HERC6: variants seen among roughly 807,000 people sequenced by gnomAD.
HERC6 encodes probable E3 ubiquitin-protein ligase HERC6.
HERC6 carries 101 observed loss-of-function variants against 114.5 expected under a neutral mutation model. The ratio of observed to expected loss-of-function variants is 0.88; its 90% CI spans 0.75 to 1.04. HERC6 has a LOEUF of 1.04. Among genes scored for constraint, HERC6 ranks in the 50% least tolerant of loss-of-function variants. The pLI, the probability that HERC6 is intolerant of heterozygous loss-of-function variation, is 0.00. For missense variants in HERC6, 1,133 were observed against 1,230.9 expected (o/e 0.92, Z 1.19); for synonymous variants, 408 against 436.2 (o/e 0.94, Z 0.81).
Position 88,442,725 on chromosome 4 carries a change from G to A in HERC6, c.*265G>A, listed in dbSNP as rs1739458733. On this transcript the variant is annotated 3_prime_UTR_variant, in exon 23 of 23. Coordinates refer to ENST00000264346, the MANE Select transcript of HERC6 (RefSeq NM_017912.4). ...AGAGTCTGAACACTGGCCTGTGATTGGTCCATTCCAGGACCTTCATTTGCA... is the reference window on the plus strand; with the variant it reads ...AGAGTCTGAACACTGGCCTGTGATTAGTCCATTCCAGGACCTTCATTTGCA... The A allele has an allele frequency of 2.0e-6, 1 of 493,812 alleles. No individual in the cohort carries two copies. The highest frequency in any genetic ancestry group is 2.4e-5 in the South Asian group (1 of 42,200). The allele number at this position is 493,812 out of a possible 1,614,324, so 30.6% of individuals were successfully genotyped here. A position where few individuals can be genotyped will look rare whatever the true frequency, so the allele number is the denominator to read the frequency against.
In HERC6 at chr4:88,428,698, C is replaced by T; in HGVS notation, c.2054C>T (p.Ala685Val). Residue 685 changes from alanine (A) to valine (V), a missense_variant, in exon 16 of 23, where the codon GCT becomes GTT. Ala to Val is a moderately conservative substitution (Grantham distance 64). Coordinates refer to ENST00000264346, the MANE Select transcript of HERC6 (RefSeq NM_017912.4). The part of the protein sequence containing the change: ...RVRRSRLVKD[A>V]LRQLSQAEAT... ...AGACGAAGTCGCCTGGTTAAAGATG[C>T]TCTGCGTCAATTAAGTCAAGCTGAA... 1 of 1,596,158 alleles carries T rather than the reference C, an allele frequency of 6.3e-7. No homozygotes were observed. Among genetic ancestry groups the T allele is most frequent in the South Asian group, 1.2e-5 (1 of 86,816 alleles).
At chr4:88,404,629 T>C (rs993205143) in intron 8 of HERC6, among the ~76,000 whole-genome samples, 2 of 152,222 alleles carry the variant, frequency 1.3e-5, no homozygotes, top group Non-Finnish European at 2.9e-5. Context: ...TACAAGTATC[T>C]GTTTGAAGCC....
intron 3 of HERC6, among the ~76,000 whole-genome samples, chr4:88,386,199 CTTTTTTTT>C (rs1262540915): frequency 7.6e-6 from 1 of 131,940 alleles, no homozygotes; most frequent in Non-Finnish European, 1.6e-5. Flanking sequence ...TTTTTCTTTT[CTTTTTTTT>C]TTTTTTTTTC....
Position 88,442,380 on chromosome 4 carries a change from A to G in HERC6, c.2989A>G (p.Met997Val). The G allele has an allele frequency of 1.2e-6, 2 of 1,613,972 alleles. No homozygotes were observed. Among genetic ancestry groups the G allele is most frequent in the Non-Finnish European group, 1.7e-6 (2 of 1,179,928 alleles). ...TCTCTCCCTCCCTAAGTATTCTACAATGGAAAGAATGGAGGAAGCACTTCA... is the reference window on the plus strand; with the variant it reads ...TCTCTCCCTCCCTAAGTATTCTACAGTGGAAAGAATGGAGGAAGCACTTCA... ...NILSLPKYST[M>V]ERMEEALQVA... Residue 997 changes from methionine to valine, a missense_variant, in exon 23 of 23, where the codon ATG becomes GTG. This residue lies in a region of HERC6 where 388 missense variants were observed against 445.9 expected (regional missense o/e 0.87). Coordinates refer to ENST00000264346, the MANE Select transcript of HERC6 (RefSeq NM_017912.4).
chr4:88,431,386 T>C, intron 17 of HERC6, 81 bp downstream of exon 17: 1 of 1,459,732 alleles, frequency 6.9e-7, no homozygotes, highest in East Asian at 2.3e-5. Flanking sequence ...TAGATAGTGG[T>C]GTAAAATTAG....
In HERC6 at chr4:88,402,224, A is replaced by G. The variant is rs72663408; in HGVS notation, c.1093-2652A>G. Among the ~76,000 whole-genome samples the G allele has an allele frequency of 2.3e-3, 352 of 152,320 alleles. 2 individuals are homozygous for G. The highest frequency in any genetic ancestry group is 4.0e-3 in the Admixed American group (61 of 15,302). ...AACATTTCCAATAGAAATTTAGAAG[A>G]TGGAACAATTGATAATTATAACATC... On this transcript the variant is annotated intron_variant, in intron 8 of 22. Transcript: ENST00000264346.
intron 13 of HERC6, among the ~76,000 whole-genome samples, chr4:88,422,594 A>T (rs1306664510): frequency 8.2e-6 from 1 of 121,300 alleles, no homozygotes; most frequent in Non-Finnish European, 1.6e-5. Context: ...GAAGTAACAC[A>T]GCCTGCTCAT....
At chr4:88,441,856 C>T (rs1377042212) in intron 22 of HERC6, among the ~76,000 whole-genome samples, 1 of 152,188 alleles carries the variant, frequency 6.6e-6, no homozygotes, top group Non-Finnish European at 1.5e-5. Context: ...TGTCCCCTGC[C>T]TTGAAAGCTC....
At chr4:88,394,593 G>A (rs981932869) in intron 5 of HERC6, among the ~76,000 whole-genome samples, 4 of 150,968 alleles carry the variant, frequency 2.6e-5, no homozygotes, top group African/African-American at 9.7e-5. Context: ...CGCCCAGGCT[G>A]GAGTGCAGTG....
intron 12 of HERC6, among the ~76,000 whole-genome samples, chr4:88,416,697 C>T (rs982390685): frequency 3.3e-5 from 5 of 151,914 alleles, no homozygotes; most frequent in African/African-American, 1.2e-4. Flanking sequence ...CAGTTTTCCC[C>T]ACATATTTAT....
chr4:88,439,767 A>G (rs74406626), intron 20 of HERC6, 107 bp from the exon 21 acceptor site: 14,968 of 1,079,832 alleles, frequency 0.014, 132 homozygotes, highest in Non-Finnish European at 0.017. Context: ...GAAGTAATTT[A>G]CTTTTCCTTC....
intron 8 of HERC6, chr4:88,399,221 G>T (rs752256764): frequency 6.6e-6 from 1 of 152,226 alleles, no homozygotes; most frequent in Non-Finnish European, 1.5e-5. Context: ...GACTCTGTCT[G>T]TAGTCCCTGG....
rs1738173444 is a variant in HERC6, at chr4:88,431,310, G to T, written c.2250+5G>T. ...TGCATGTGGTTTCCTGCCAAGGTAA[G>T]TCTTTTCTTTTTTTTTTTTCCCCCA... is the stretch of plus-strand genomic sequence containing the variant. On this transcript the variant is annotated splice_donor_5th_base_variant and intron_variant, in intron 17 of 22. Transcript: ENST00000264346. 1.9e-6 allele frequency: 3 copies of T among 1,582,410 alleles called. No individual in the cohort carries two copies. The East Asian group carries it at 6.7e-5, about 35-fold the overall frequency.
chr4:88,393,216 CCT>C (rs1461961649), intron 4 of HERC6, among the ~76,000 whole-genome samples: 3 of 151,720 alleles, frequency 2.0e-5, no homozygotes, highest in Non-Finnish European at 2.9e-5. Flanking sequence ...TAGGGTTTTT[CCT>C]CTGTCTTATA....
At chr4:88,391,019 A>G in intron 4 of HERC6, 140 bp downstream of exon 4, 1 of 667,766 alleles carries the variant, frequency 1.5e-6, no homozygotes. Flanking sequence ...GAGCTATATT[A>G]GTTTCTTGTT....
intron 3 of HERC6, among the ~76,000 whole-genome samples, chr4:88,388,351 G>T (rs1734704142): frequency 6.6e-6 from 1 of 152,094 alleles, no homozygotes; most frequent in East Asian, 1.9e-4. Flanking sequence ...AGCAGTTCAA[G>T]ACCAGCCTGG....
intron 6 of HERC6, 51 bp downstream of exon 6, chr4:88,396,193 A>G: frequency 2.1e-6 from 3 of 1,400,398 alleles, no homozygotes; most frequent in Non-Finnish European, 2.8e-6. Context: ...AAAGTGTTAT[A>G]TTTTATTACT....
intron 8 of HERC6, among the ~76,000 whole-genome samples, chr4:88,403,520 C>T (rs986012366): frequency 7.9e-5 from 12 of 152,086 alleles, no homozygotes; most frequent in Admixed American, 1.3e-4. Flanking sequence ...TTTGGGAGGC[C>T]GAGGCGGGTG....
intron 16 of HERC6, 83 bp from the exon 17 acceptor site, chr4:88,431,079 G>T (rs1738148932): frequency 8.5e-7 from 1 of 1,178,682 alleles, no homozygotes; most frequent in African/African-American, 1.5e-5. Context: ...CTGCAAGAAT[G>T]GTCGTTAGAG....
Sources: gnomAD v4.1 joint callset for allele counts (sites outside exome capture counted in the v4.1 genomes callset) on GRCh38, gnomAD v4.1.1 for gene constraint, gnomAD v4.1.1 regional missense constraint, MANE v1.5 for transcripts, NCBI Gene and HGNC (gene_info 2026-07-23, HGNC 2026-07-21) for gene names.